Variants in EPHA5 observed in about 807,000 individuals in gnomAD.
EPHA5 encodes ephrin type-A receptor 5.
A neutral mutation model predicts 105.0 loss-of-function variants in EPHA5; 60 were observed. That is an observed-to-expected ratio of 0.57 (90% CI 0.46 to 0.71). The LOEUF is 0.71. Ranked by LOEUF, EPHA5 falls within the 30% of genes least tolerant of loss-of-function variation. EPHA5 has a pLI of 0.00. For synonymous variants in EPHA5, 513 were observed against 449.1 expected (o/e 1.14, Z -1.80); for missense variants, 1,218 against 1,274.7 (o/e 0.96, Z 0.68).
At chr4:65,639,589 A>G (rs543974492) in intron 2 of EPHA5, among the ~76,000 whole-genome samples, 1 of 152,248 alleles carries the variant, frequency 6.6e-6, no homozygotes, top group South Asian at 2.1e-4. Flanking sequence ...TATCCTGCTT[A>G]TGTTTGCTGA....
At chr4:65,663,785 C>A (rs1259276208) in intron 1 of EPHA5, among the ~76,000 whole-genome samples, 1 of 151,894 alleles carries the variant, frequency 6.6e-6, no homozygotes, top group Non-Finnish European at 1.5e-5. Context: ...AATAAAACTT[C>A]TGTATGGGAA....
intron 2 of EPHA5, among the ~76,000 whole-genome samples, chr4:65,615,981 C>T (rs999418004): frequency 4.6e-5 from 7 of 151,916 alleles, no homozygotes; most frequent in African/African-American, 7.2e-5. Context: ...AATACCTGTA[C>T]ATGAATGTTC....
chr4:65,569,400 T>C (rs1344355013), intron 3 of EPHA5, among the ~76,000 whole-genome samples: 6 of 151,636 alleles, frequency 4.0e-5, no homozygotes, highest in African/African-American at 9.7e-5. Flanking sequence ...GTTAGCACAG[T>C]TGAGGATCAT....
At chr4:65,487,326 T>A (rs1730977776) in intron 5 of EPHA5, among the ~76,000 whole-genome samples, 1 of 152,162 alleles carries the variant, frequency 6.6e-6, no homozygotes, top group African/African-American at 2.4e-5. Flanking sequence ...GGGAATTTAG[T>A]TTATGGTTTA....
At chr4:65,344,854 A>G (rs1309889266) in intron 14 of EPHA5, among the ~76,000 whole-genome samples, 1 of 152,186 alleles carries the variant, frequency 6.6e-6, no homozygotes, top group East Asian at 1.9e-4. Context: ...TTTATATTTT[A>G]TATTAAATTA....
At chr4:65,363,967 C>CTGTT (rs1381775184) in intron 11 of EPHA5, among the ~76,000 whole-genome samples, 2 of 151,466 alleles carry the variant, frequency 1.3e-5, no homozygotes, top group Non-Finnish European at 3.0e-5. Context: ...TAAAAAAATG[C>CTGTT]TGTTTCCTCT....
At chr4:65,562,401 G>C (rs1392550224) in intron 3 of EPHA5, among the ~76,000 whole-genome samples, 1 of 151,692 alleles carries the variant, frequency 6.6e-6, no homozygotes, top group Non-Finnish European at 1.5e-5. Context: ...ATAAATATTT[G>C]CAGACCTTTA....
At chr4:65,650,559 C>CAAAAAAAACAA (rs71657196) in intron 1 of EPHA5, among the ~76,000 whole-genome samples, 1 of 117,012 alleles carries the variant, frequency 8.5e-6, no homozygotes, top group Non-Finnish European at 1.7e-5. Context: ...GACTCAGTCT[C>CAAAAAAAACAA]AAAAAAAAAA....
rs568579267 is a variant in EPHA5 at position 65,387,358 on chromosome 4, A to G, written c.1793+17016T>C. Among the ~76,000 whole-genome samples, 4 of 152,084 alleles carry G rather than the reference A, an allele frequency of 2.6e-5. No individual in the cohort carries two copies. In the South Asian group the frequency reaches 8.3e-4, roughly 31 times the overall value. Reference sequence around the variant, plus strand: ...AGGAACAAATGGGCTAAACTGTACAAGCTCCATTCAGATATTTGAGATATA... The same window carrying G: ...AGGAACAAATGGGCTAAACTGTACAGGCTCCATTCAGATATTTGAGATATA... On this transcript the variant is annotated intron_variant, in intron 8 of 16. Coordinates refer to ENST00000613740, the MANE Select transcript of EPHA5 (RefSeq NM_001281766.3).
intron 5 of EPHA5, among the ~76,000 whole-genome samples, 156 bp downstream of exon 5, chr4:65,490,221 A>G (rs557353152): frequency 2.2e-4 from 34 of 152,300 alleles, no homozygotes; most frequent in African/African-American, 7.9e-4. Flanking sequence ...TTTATTTAAA[A>G]CTGCAAAAGC....
intron 16 of EPHA5, among the ~76,000 whole-genome samples, chr4:65,326,563 T>C (rs1033463749): frequency 1.7e-4 from 26 of 151,370 alleles, no homozygotes; most frequent in African/African-American, 6.3e-4. Flanking sequence ...AATTATTAAT[T>C]ATAAAGAATT....
intron 15 of EPHA5, among the ~76,000 whole-genome samples, chr4:65,334,283 T>C (rs564408399): frequency 6.6e-6 from 1 of 152,148 alleles, no homozygotes; most frequent in Non-Finnish European, 1.5e-5. Context: ...GTTGGATGAA[T>C]AAATGAATAT....
intron 3 of EPHA5, among the ~76,000 whole-genome samples, chr4:65,541,729 C>A (rs546488532): frequency 6.6e-6 from 1 of 152,090 alleles, no homozygotes; most frequent in East Asian, 1.9e-4. Context: ...AGGACTTGAA[C>A]TCAGCTTTGG....
At chr4:65,549,687 T>G (rs917248878) in intron 3 of EPHA5, among the ~76,000 whole-genome samples, 11 of 152,236 alleles carry the variant, frequency 7.2e-5, no homozygotes, top group African/African-American at 2.6e-4. Context: ...GAATTAAAAT[T>G]CTTACTTCAA....
At chr4:65,528,203 A>G (rs1167058236) in intron 3 of EPHA5, among the ~76,000 whole-genome samples, 1 of 152,062 alleles carries the variant, frequency 6.6e-6, no homozygotes, top group Non-Finnish European at 1.5e-5. Context: ...TAAAAGGGGA[A>G]CTCAGCTAAG....
intron 5 of EPHA5, among the ~76,000 whole-genome samples, chr4:65,467,518 C>G (rs76401105): frequency 0.072 from 11,011 of 152,220 alleles, 522 homozygotes; most frequent in East Asian, 0.2. Context: ...TTACAAGAGA[C>G]AAGCCTGAGC....
Position 65,468,545 on chromosome 4 carries a change from A to G in EPHA5, c.1402+21832T>C, listed in dbSNP as rs1490346926. Among the ~76,000 whole-genome samples the G allele has an allele frequency of 4.7e-5, 5 of 107,094 alleles. No homozygotes were observed. In the South Asian group the frequency reaches 1.4e-3, roughly 31 times the overall value. The allele number at this position is 107,094 out of a possible 152,430, so 70.3% of individuals were successfully genotyped here. A position where few individuals can be genotyped will look rare whatever the true frequency, so the allele number is the denominator to read the frequency against. On this transcript the variant is annotated intron_variant, in intron 5 of 16. Transcript: ENST00000613740. ...TACAGACACACACCTTTATATATAT[A>G]TATAATATATATATTATATATTATA...
chr4:65,474,763 C>T (rs1166598701), intron 5 of EPHA5, among the ~76,000 whole-genome samples: 2 of 152,050 alleles, frequency 1.3e-5, no homozygotes, highest in Non-Finnish European at 2.9e-5. Flanking sequence ...TTAATAAAAT[C>T]AAATGGAATA....
At chr4:65,345,801 C>G (rs1443956235) in intron 14 of EPHA5, among the ~76,000 whole-genome samples, 4 of 151,170 alleles carry the variant, frequency 2.6e-5, no homozygotes, top group Admixed American at 6.6e-5. Context: ...GAGACAGAGT[C>G]TCGCTCTGTC....
Sources: allele counts gnomAD v4.1 joint callset (sites outside exome capture counted in the v4.1 genomes callset), GRCh38; gene constraint gnomAD v4.1.1; transcripts MANE v1.5; gene names NCBI Gene and HGNC (gene_info 2026-07-23, HGNC 2026-07-21).